EIF3L: variants seen among roughly 807,000 people sequenced by gnomAD.
EIF3L encodes the protein eukaryotic translation initiation factor 3 subunit L, also known as eIEF associated protein HSPC021.
A neutral mutation model predicts 74.6 loss-of-function variants in EIF3L; 32 were observed. The ratio of observed to expected loss-of-function variants is 0.43; its 90% CI spans 0.32 to 0.58. EIF3L has a LOEUF of 0.58. EIF3L is among the 20% of genes least tolerant of loss of function. The pLI, the probability that EIF3L is intolerant of heterozygous loss-of-function variation, is 0.06. For synonymous variants in EIF3L, 256 were observed against 254.4 expected (o/e 1.01, Z -0.06); for missense variants, 474 against 707.8 (o/e 0.67, Z 3.75).
intron 11 of EIF3L, chr22:37,882,544 G>C (rs1161866865): frequency 1.3e-5 from 2 of 152,034 alleles, no homozygotes; most frequent in Non-Finnish European, 2.9e-5. Context: ...GGGCATGGTG[G>C]TGCGTTCCTG....
In EIF3L at chr22:37,857,631, G is replaced by A. The variant is rs1358779404; in HGVS notation, c.374-1048G>A. Reference sequence around the variant, plus strand: ...GCGATCTCTGCTCGCTGCAACCTCTGCCTCCTGGGCTCAAGCAATTCTCCT... The same window carrying A: ...GCGATCTCTGCTCGCTGCAACCTCTACCTCCTGGGCTCAAGCAATTCTCCT... On this transcript the variant is annotated intron_variant, in intron 4 of 12. Coordinates refer to ENST00000652021, the MANE Select transcript of EIF3L (RefSeq NM_016091.4). 4.0e-5 allele frequency among the ~76,000 whole-genome samples: 6 copies of A among 151,474 alleles called. No homozygotes were observed. In the South Asian group the frequency reaches 6.3e-4, roughly 16 times the overall value.
At chr22:37,874,185 A>C (rs1926624014) in intron 8 of EIF3L, among the ~76,000 whole-genome samples, 185 bp from the exon 9 acceptor site, 1 of 152,200 alleles carries the variant, frequency 6.6e-6, no homozygotes, top group Admixed American at 6.5e-5. Context: ...AATATTGGTA[A>C]ATCGAAGATT....
At chr22:37,867,331 T>G (rs1184462609) in intron 7 of EIF3L, among the ~76,000 whole-genome samples, 2 of 152,032 alleles carry the variant, frequency 1.3e-5, no homozygotes, top group Non-Finnish European at 2.9e-5. Flanking sequence ...GTACTGGATA[T>G]TATCAGTCTG....
At chr22:37,850,233 T>C (rs1925114478) in intron 2 of EIF3L, among the ~76,000 whole-genome samples, 170 bp downstream of exon 2, 1 of 152,142 alleles carries the variant, frequency 6.6e-6, no homozygotes, top group Non-Finnish European at 1.5e-5. Context: ...ACCAGGCTTT[T>C]TATCATAGTC....
rs562712258 is a variant in EIF3L, at chr22:37,870,895, C to T, written c.751+548C>T. Among the ~76,000 whole-genome samples, 6 of 152,152 alleles carry T rather than the reference C, an allele frequency of 3.9e-5. No individual in the cohort carries two copies. The East Asian group carries it at 1.2e-3, about 29-fold the overall frequency. ...ATCCCAGCACTTTGGGAGGCTTAGG[C>T]AGAAGGATCGCTTGAGTCCAGGAGT... On this transcript the variant is annotated intron_variant, in intron 8 of 12. Transcript: ENST00000652021.
Position 37,888,448 on chromosome 22 carries a change from T to C in EIF3L, c.1679T>C (p.Met560Thr). 1 of 1,613,954 alleles carries C rather than the reference T, an allele frequency of 6.2e-7. No homozygotes were observed. Among genetic ancestry groups the C allele is most frequent in the Non-Finnish European group, 8.5e-7 (1 of 1,180,006 alleles). The change falls in exon 13 of 13, where the codon ATG becomes ACG. Residue 560 changes from methionine to threonine, a missense_variant. By Grantham distance (81) the Met-to-Thr change is moderately conservative. Coordinates refer to ENST00000652021, the MANE Select transcript of EIF3L (RefSeq NM_016091.4). Reference protein sequence around the residue: ...FEELNRTLKKMGQRP With the variant: ...FEELNRTLKKTGQRP ...TAGCTTAATCGAACCCTGAAGAAGA[T>C]GGGACAGAGACCTTGATGATATTCA...
rs1925211524 is a variant in EIF3L at position 37,851,347 on chromosome 22, G to A, written c.150G>A (p.Glu50=). ...AGCAAACCTATCAGGTGATCCCTGA[G>A]GTGATCAAAAACTTCATCCAGTATT... is the stretch of plus-strand genomic sequence containing the variant. The part of the protein sequence containing the change: ...YEQQTYQVIP[E]VIKNFIQYFH... The change falls in exon 3 of 13, where the codon GAG becomes GAA. Residue 50 remains glutamate, a synonymous_variant. Coordinates refer to ENST00000652021, the MANE Select transcript of EIF3L (RefSeq NM_016091.4). 1 of 1,614,018 alleles carries A rather than the reference G, an allele frequency of 6.2e-7. No homozygotes were observed. The highest frequency in any genetic ancestry group is 1.1e-5 in the South Asian group (1 of 91,088).
At chr22:37,877,569 G>C (rs1442372038) in intron 10 of EIF3L, 105 bp from the exon 11 acceptor site, 1 of 1,365,518 alleles carries the variant, frequency 7.3e-7, no homozygotes. Flanking sequence ...TGAAACAACT[G>C]GGTAAGTCAA....
At chr22:37,850,979 G>A (rs927900871) in intron 2 of EIF3L, among the ~76,000 whole-genome samples, 3 of 152,060 alleles carry the variant, frequency 2.0e-5, no homozygotes. Context: ...CCCCTCCAAC[G>A]CACACTTTTC....
Position 37,855,559 on chromosome 22 carries a change from T to A in EIF3L, c.294-6T>A, listed in dbSNP as rs1349955011. 1 of 1,613,896 alleles carries A rather than the reference T, an allele frequency of 6.2e-7. No homozygotes were observed. The highest frequency in any genetic ancestry group is 8.5e-7 in the Non-Finnish European group (1 of 1,179,822). On this transcript the variant is annotated splice_region_variant and splice_polypyrimidine_tract_variant and intron_variant, in intron 3 of 12. Transcript: ENST00000652021. The stretch of plus-strand genomic sequence containing the variant: ...GAATTTTAGAGATTTTTTTCTTGAT[T>A]TTTAGCTGGACCAAGCTGACTGAAA...
At chr22:37,874,313 A>G (rs751385891) in intron 8 of EIF3L, 57 bp from the exon 9 acceptor site, 29 of 1,567,470 alleles carry the variant, frequency 1.9e-5, no homozygotes, top group Non-Finnish European at 2.4e-5. Context: ...TTCAGAGGTC[A>G]GGTGTGCCTG....
intron 4 of EIF3L, among the ~76,000 whole-genome samples, chr22:37,856,308 G>A (rs1030314398): frequency 1.4e-4 from 21 of 151,910 alleles, no homozygotes; most frequent in Non-Finnish European, 2.6e-4. Context: ...AACTGCTGAC[G>A]TCAGGTGATT....
At chr22:37,883,029 G>C (rs1186900868) in intron 11 of EIF3L, 1 of 151,588 alleles carries the variant, frequency 6.6e-6, no homozygotes, top group Non-Finnish European at 1.5e-5. Flanking sequence ...GGGCATGGTG[G>C]CTCACGCCTG....
At chr22:37,875,756 C>T in intron 9 of EIF3L, 85 bp from the exon 10 acceptor site, 1 of 1,365,184 alleles carries the variant, frequency 7.3e-7, no homozygotes, top group Non-Finnish European at 1.0e-6. Flanking sequence ...AGGGCCTCTG[C>T]AGGGAAAACT....
At chr22:37,869,977 C>T (rs1356689660) in intron 7 of EIF3L, among the ~76,000 whole-genome samples, 199 bp from the exon 8 acceptor site, 4 of 152,134 alleles carry the variant, frequency 2.6e-5, no homozygotes, top group African/African-American at 7.2e-5. Flanking sequence ...AAGTAACATT[C>T]AGTAATGAAC....
chr22:37,886,231 A>G (rs1451068165), intron 11 of EIF3L: 1 of 151,396 alleles, frequency 6.6e-6, no homozygotes, highest in Non-Finnish European at 1.5e-5. Flanking sequence ...AAGACAAAAA[A>G]AAAGTCTAGA....
At chr22:37,866,257 C>T (rs934453414) in intron 7 of EIF3L, among the ~76,000 whole-genome samples, 7 of 152,174 alleles carry the variant, frequency 4.6e-5, no homozygotes, top group Non-Finnish European at 7.3e-5. Flanking sequence ...ACCATATTTT[C>T]ATAGACCTGA....
intron 7 of EIF3L, among the ~76,000 whole-genome samples, chr22:37,865,051 C>T (rs1011270329): frequency 5.9e-5 from 9 of 152,186 alleles, no homozygotes. Context: ...TCTTTTCCAT[C>T]TTATTTAGCC....
chr22:37,884,978 C>T (rs956586332), intron 11 of EIF3L: 2 of 114,730 alleles, frequency 1.7e-5, no homozygotes, highest in African/African-American at 3.4e-5. Flanking sequence ...AGTGCAGTGG[C>T]AAAATCACAG....
Sources: gnomAD v4.1 joint callset for allele counts (sites outside exome capture counted in the v4.1 genomes callset) on GRCh38, gnomAD v4.1.1 for gene constraint, MANE v1.5 for transcripts, NCBI Gene and HGNC (gene_info 2026-07-23, HGNC 2026-07-21) for gene names.